The following PTPRD variants were observed in gnomAD, a reference collection of about 807,000 sequenced individuals.
The protein encoded by PTPRD is receptor-type tyrosine-protein phosphatase delta.
In PTPRD, 34 loss-of-function variants were observed where a neutral mutation model predicts 214.5. That is an observed-to-expected ratio of 0.16 (90% confidence interval 0.12 to 0.21). The LOEUF is 0.21. PTPRD is among the 10% of genes least tolerant of loss of function. The pLI is 1.00. For synonymous variants in PTPRD, 1,128 were observed against 845.7 expected (o/e 1.33, Z -5.79); for missense variants, 2,545 against 2,398.7 (o/e 1.06, Z -1.27).
chr9:9,126,008 A>G (rs1343305267), intron 10 of PTPRD, among the ~76,000 whole-genome samples: 3 of 152,140 alleles, frequency 2.0e-5, no homozygotes, highest in Non-Finnish European at 4.4e-5. Context: ...CCAGGTACAG[A>G]ATGGAGGGTA....
At chr9:9,951,189 C>T (rs914419030) in intron 4 of PTPRD, among the ~76,000 whole-genome samples, 5 of 151,978 alleles carry the variant, frequency 3.3e-5, no homozygotes, top group Admixed American at 3.3e-4. Flanking sequence ...GGTCTAGCTT[C>T]TATTAACTGA....
chr9:9,758,159 A>C (rs939649108), intron 6 of PTPRD, among the ~76,000 whole-genome samples: 5 of 147,608 alleles, frequency 3.4e-5, no homozygotes, highest in African/African-American at 1.3e-4. Flanking sequence ...AAAAAAAAAA[A>C]AAAATTGTAT....
chr9:9,905,857 A>G (rs192870658), intron 5 of PTPRD, among the ~76,000 whole-genome samples: 17 of 152,166 alleles, frequency 1.1e-4, no homozygotes, highest in Admixed American at 8.5e-4. Context: ...GGCCTAAGGT[A>G]TAAGTGCAAA....
chr9:9,897,025 C>A (rs1601370469), intron 5 of PTPRD, among the ~76,000 whole-genome samples: 3 of 151,980 alleles, frequency 2.0e-5, no homozygotes, highest in African/African-American at 7.2e-5. Flanking sequence ...TTCAGGAGAA[C>A]AATGTTTCCC....
intron 14 of PTPRD, among the ~76,000 whole-genome samples, chr9:8,535,537 G>T (rs2076721300): frequency 1.3e-5 from 2 of 151,842 alleles, no homozygotes; most frequent in Admixed American, 6.6e-5. Context: ...AGGTTGTTGT[G>T]AACAACTGAA....
chr9:10,442,969 T>C (rs190613454), intron 2 of PTPRD, among the ~76,000 whole-genome samples: 17 of 151,530 alleles, frequency 1.1e-4, no homozygotes, highest in Admixed American at 5.9e-4. Context: ...ACATGTCTGT[T>C]TGGATATTCT....
At chr9:9,557,833 G>A (rs929094693) in intron 8 of PTPRD, among the ~76,000 whole-genome samples, 2 of 152,182 alleles carry the variant, frequency 1.3e-5, no homozygotes, top group Non-Finnish European at 2.9e-5. Context: ...TGAGGGGAGT[G>A]GGTGGATGGG....
chr9:8,336,768 A>T (rs1480839023), intron 43 of PTPRD, among the ~76,000 whole-genome samples: 5 of 152,224 alleles, frequency 3.3e-5, no homozygotes, highest in African/African-American at 4.8e-5. Context: ...GGAAAACAAC[A>T]ACCTCATCAA....
At chr9:9,705,132 A>G (rs1015425542) in intron 7 of PTPRD, among the ~76,000 whole-genome samples, 4 of 152,280 alleles carry the variant, frequency 2.6e-5, no homozygotes, top group South Asian at 2.1e-4. Context: ...AATTCATCCT[A>G]CATACTTGGC....
intron 10 of PTPRD, among the ~76,000 whole-genome samples, chr9:9,068,906 G>A (rs192821490): frequency 8.5e-5 from 13 of 152,080 alleles, no homozygotes; most frequent in South Asian, 4.1e-4. Context: ...CACGGCTCTC[G>A]GCCTACAAAA....
At chr9:9,200,094 T>G (rs1364464816) in intron 9 of PTPRD, among the ~76,000 whole-genome samples, 1 of 152,198 alleles carries the variant, frequency 6.6e-6, no homozygotes, top group African/African-American at 2.4e-5. Flanking sequence ...ACTCCCACTG[T>G]CTGTTAGCGA....
At chr9:10,066,283 T>G (rs1590154963) in intron 3 of PTPRD, among the ~76,000 whole-genome samples, 1 of 151,876 alleles carries the variant, frequency 6.6e-6, no homozygotes, top group African/African-American at 2.4e-5. Flanking sequence ...ACCACTATCC[T>G]GAAAATATGT....
intron 10 of PTPRD, among the ~76,000 whole-genome samples, chr9:9,079,307 T>C (rs2099755698): frequency 6.6e-6 from 1 of 152,048 alleles, no homozygotes; most frequent in African/African-American, 2.4e-5. Context: ...GCACACAGCA[T>C]TTAACTTTTT....
At chr9:10,029,814 G>A (rs541895097) in intron 4 of PTPRD, among the ~76,000 whole-genome samples, 14 of 152,184 alleles carry the variant, frequency 9.2e-5, no homozygotes, top group Non-Finnish European at 1.5e-4. Flanking sequence ...GACATGATTG[G>A]TTTTGAAATA....
At chr9:9,599,159 A>G (rs1199231772) in intron 7 of PTPRD, among the ~76,000 whole-genome samples, 1 of 152,110 alleles carries the variant, frequency 6.6e-6, no homozygotes, top group South Asian at 2.1e-4. Context: ...CTAGAATCCA[A>G]TAAAAGGTGA....
At chr9:8,713,921 G>C in intron 12 of PTPRD, 1 of 725,072 alleles carries the variant, frequency 1.4e-6, no homozygotes, top group Non-Finnish European at 2.3e-6. Flanking sequence ...TTTATCCACT[G>C]ACGCATAACT....
At chr9:8,573,753 T>G (rs1052328183) in intron 14 of PTPRD, among the ~76,000 whole-genome samples, 2 of 152,074 alleles carry the variant, frequency 1.3e-5, no homozygotes, top group East Asian at 3.9e-4. Flanking sequence ...GTAGGAGTAT[T>G]TATGGAACAT....
chr9:10,168,354 A>G lies in PTPRD; in HGVS notation c.-544-134564T>C, dbSNP rs940593967. Among the ~76,000 whole-genome samples the G allele has an allele frequency of 3.3e-5, 5 of 152,006 alleles. No homozygotes were observed. In the East Asian group the frequency reaches 5.8e-4, roughly 18 times the overall value. The stretch of plus-strand genomic sequence containing the variant: ...TTGATTTAAAAATCCCATGTTCATT[A>G]TAATAGGTAGTGCTGCTTAAAATGT... On this transcript the variant is annotated intron_variant, in intron 3 of 45. Coordinates refer to ENST00000381196, the MANE Select transcript of PTPRD (RefSeq NM_002839.4).
intron 2 of PTPRD, among the ~76,000 whole-genome samples, chr9:10,385,878 T>A (rs1247269744): frequency 1.3e-5 from 2 of 151,828 alleles, no homozygotes; most frequent in Non-Finnish European, 2.9e-5. Context: ...ACAATACTTT[T>A]TATGATTATA....
Sources: allele counts gnomAD v4.1 joint callset (sites outside exome capture counted in the v4.1 genomes callset), GRCh38; gene constraint gnomAD v4.1.1; transcripts MANE v1.5; gene names NCBI Gene and HGNC (gene_info 2026-07-23, HGNC 2026-07-21).